Variants in WARS1 observed in about 807,000 individuals in gnomAD.
WARS1 encodes tryptophan--tRNA ligase, cytoplasmic.
In WARS1, 17 loss-of-function variants were observed where a neutral mutation model predicts 47.8. The observed-to-expected ratio is 0.36, with a 90% CI of 0.24 to 0.53. The LOEUF is 0.53. WARS1 is among the 20% of genes least tolerant of loss of function. The pLI is 0.91. For missense variants in WARS1, 434 were observed against 608.0 expected (o/e 0.71, Z 3.01); for synonymous variants, 208 against 228.1 (o/e 0.91, Z 0.79).
rs1448365749 is a variant in WARS1, at chr14:100,339,393, C to T, written c.1114-2191G>A. 3.1e-4 allele frequency among the ~76,000 whole-genome samples: 47 copies of T among 152,034 alleles called. 1 individual carries two copies. Among genetic ancestry groups the T allele is most frequent in the Non-Finnish European group, 4.4e-5 (3 of 67,990 alleles). On this transcript the variant is annotated intron_variant, in intron 9 of 10. Transcript: ENST00000392882. ...GATTACGAGGTCAGGAGATCAAGAC[C>T]ATCCTGGCTAACACGGTGAAACCCC...
chr14:100,367,026 A>G (rs1896040297), intron 2 of WARS1: 1 of 832,668 alleles, frequency 1.2e-6, no homozygotes, highest in Non-Finnish European at 1.9e-6. Context: ...TATTAGTAAG[A>G]TTTAATACAG....
intron 6 of WARS1, among the ~76,000 whole-genome samples, chr14:100,347,893 T>C (rs1894730362): frequency 6.6e-6 from 1 of 152,178 alleles, no homozygotes; most frequent in South Asian, 2.1e-4. Flanking sequence ...CTTCTTATAT[T>C]GCATCTTTGT....
intron 1 of WARS1, among the ~76,000 whole-genome samples, chr14:100,374,498 C>T (rs1896526650): frequency 6.6e-6 from 1 of 152,164 alleles, no homozygotes; most frequent in Non-Finnish European, 1.5e-5. Flanking sequence ...ATAATAGGCA[C>T]TTAAAGAAAC....
At chr14:100,348,842 C>T (rs183342204) in intron 6 of WARS1, among the ~76,000 whole-genome samples, 50 of 152,328 alleles carry the variant, frequency 3.3e-4, no homozygotes, top group African/African-American at 9.4e-4. Flanking sequence ...AGTTAGAGCA[C>T]GCTGCCCTTT....
At chr14:100,368,400 G>T (rs987764719) in intron 2 of WARS1, 2 of 455,936 alleles carry the variant, frequency 4.4e-6, no homozygotes, top group African/African-American at 2.0e-5. Context: ...TACAGATGGG[G>T]AGACTGCCTG....
In WARS1 at chr14:100,367,678, A is replaced by C. The variant is rs187852439; in HGVS notation, c.99+1409T>G. ...TCCCATGAAATTTCAGAACACGGGA[A>C]CAAAGAAGATCCTGCTAACTTCCAA... is the stretch of plus-strand genomic sequence containing the variant. On this transcript the variant is annotated intron_variant, in intron 2 of 10. Coordinates refer to ENST00000392882, the MANE Select transcript of WARS1 (RefSeq NM_004184.4). Among the ~76,000 whole-genome samples, 778 of 151,762 alleles carry C rather than the reference A, an allele frequency of 5.1e-3. 3 individuals are homozygous for C. Among genetic ancestry groups the C allele is most frequent in the Non-Finnish European group, 7.5e-3 (506 of 67,888 alleles).
At chr14:100,371,368 T>C (rs1896333966) in intron 1 of WARS1, among the ~76,000 whole-genome samples, 1 of 149,816 alleles carries the variant, frequency 6.7e-6, no homozygotes, top group African/African-American at 2.5e-5. Flanking sequence ...GAGAATTGCT[T>C]GAAACCAGGA....
chr14:100,347,835 C>T (rs2139968046), intron 6 of WARS1, among the ~76,000 whole-genome samples: 1 of 152,304 alleles, frequency 6.6e-6, no homozygotes, highest in South Asian at 2.1e-4. Context: ...CCTTGGCCTC[C>T]CAAAGTGCTG....
intron 9 of WARS1, among the ~76,000 whole-genome samples, chr14:100,338,183 G>A (rs887359187): frequency 3.9e-5 from 6 of 152,128 alleles, no homozygotes; most frequent in Non-Finnish European, 5.9e-5. Context: ...AGATAATCAC[G>A]GGGTAATTAA....
intron 9 of WARS1, 96 bp from the exon 10 acceptor site, chr14:100,337,298 G>C (rs1893809940): frequency 1.3e-6 from 2 of 1,547,544 alleles, no homozygotes; most frequent in Non-Finnish European, 1.8e-6. Flanking sequence ...AGAGGTGTGA[G>C]TGCTGTCAGA....
At chr14:100,345,245 GAA>G (rs1177752058) in intron 7 of WARS1, among the ~76,000 whole-genome samples, 1 of 151,710 alleles carries the variant, frequency 6.6e-6, no homozygotes, top group Non-Finnish European at 1.5e-5. Context: ...GAAAGGTGGG[GAA>G]AAGATTGAGA....
chr14:100,371,865 T>A (rs868282783), intron 1 of WARS1, among the ~76,000 whole-genome samples: 1 of 152,168 alleles, frequency 6.6e-6, no homozygotes, highest in South Asian at 2.1e-4. Context: ...GCTTGGGTAA[T>A]GTCAGGTCTC....
chr14:100,338,305 G>T (rs1893890301), intron 9 of WARS1, among the ~76,000 whole-genome samples: 1 of 151,610 alleles, frequency 6.6e-6, no homozygotes, highest in Admixed American at 6.6e-5. Context: ...CCAGTCTGTT[G>T]CCCAGGCTGG....
At chr14:100,349,790 A>T (rs1364428198) in intron 6 of WARS1, among the ~76,000 whole-genome samples, 1 of 152,230 alleles carries the variant, frequency 6.6e-6, no homozygotes, top group South Asian at 2.1e-4. Flanking sequence ...CTCCTCCCTC[A>T]TGGAGGCCTC....
chr14:100,354,719 G>C (rs1895203351), intron 4 of WARS1, among the ~76,000 whole-genome samples, 153 bp from the exon 5 acceptor site: 1 of 152,190 alleles, frequency 6.6e-6, no homozygotes, highest in African/African-American at 2.4e-5. Context: ...TATAAATATA[G>C]ACAGGAAACT....
rs1896188187 is a variant in WARS1, at chr14:100,369,157, A to G, written c.29T>C (p.Leu10Pro). The change falls in exon 2 of 11, where the codon CTG becomes CCG. Residue 10 changes from leucine to proline, a missense_variant. Physicochemically the swap from Leu to Pro is moderately conservative, Grantham distance 98 (BLOSUM62 -3). This residue lies in a region of WARS1 where 87 missense variants were observed against 84.2 expected (regional missense o/e 1.03). Coordinates refer to ENST00000392882, the MANE Select transcript of WARS1 (RefSeq NM_004184.4). ...TGTGGCGATGCTGTTGAACAGCTCC[A>G]GCAGAGATGCGGGCTCACTGTTGGG... is the stretch of plus-strand genomic sequence containing the variant. MPNSEPASL[L>P]ELFNSIATQG... 2.0e-6 allele frequency: 3 copies of G among 1,508,882 alleles called. No homozygotes were observed. Among genetic ancestry groups the G allele is most frequent in the Non-Finnish European group, 2.7e-6 (3 of 1,110,140 alleles). The allele number at this position is 1,508,882 out of a possible 1,614,324, so 93.5% of individuals were successfully genotyped here.
chr14:100,372,351 G>A (rs953994121), intron 1 of WARS1, among the ~76,000 whole-genome samples: 4 of 152,102 alleles, frequency 2.6e-5, no homozygotes, highest in Non-Finnish European at 5.9e-5. Flanking sequence ...TGAAAAAAAA[G>A]TATGTAAATC....
chr14:100,342,560 A>G lies in WARS1; in HGVS notation c.951T>C (p.Phe317=). The part of the protein sequence containing the change: ...IPCAIDQDPY[F]RMTRDVAPRI... Reference sequence around the variant, plus strand: ...TGGGGGCGACGTCCCTTGTCATTCTAAAGTAAGGATCCTGTGGGGAGAGTA... The same window carrying G: ...TGGGGGCGACGTCCCTTGTCATTCTGAAGTAAGGATCCTGTGGGGAGAGTA... Residue 317 remains phenylalanine (F), a synonymous_variant, in exon 9 of 11, where the codon TTT becomes TTC. Transcript: ENST00000392882. 3 of 1,611,198 alleles carry G rather than the reference A, an allele frequency of 1.9e-6. No individual in the cohort carries two copies. Among genetic ancestry groups the G allele is most frequent in the Non-Finnish European group, 2.5e-6 (3 of 1,178,834 alleles).
chr14:100,335,657 T>A (rs1893671183), intron 10 of WARS1, among the ~76,000 whole-genome samples: 2 of 152,174 alleles, frequency 1.3e-5, no homozygotes, highest in South Asian at 4.1e-4. Context: ...AGTGCTAGGA[T>A]TACAGGCGTG....
Sources: gnomAD v4.1 joint callset for allele counts (sites outside exome capture counted in the v4.1 genomes callset) on GRCh38, gnomAD v4.1.1 for gene constraint, gnomAD v4.1.1 regional missense constraint, MANE v1.5 for transcripts, NCBI Gene and HGNC (gene_info 2026-07-23, HGNC 2026-07-21) for gene names.